Variants in PDE4D observed in about 807,000 individuals in gnomAD.
The protein encoded by PDE4D is 3',5'-cyclic-AMP phosphodiesterase 4D.
A neutral mutation model predicts 87.4 loss-of-function variants in PDE4D; 24 were observed. That is an observed-to-expected ratio of 0.27 (90% CI 0.20 to 0.39). The LOEUF (loss-of-function observed/expected upper bound fraction) is 0.39. Ranked by LOEUF, PDE4D falls within the 10% of genes least tolerant of loss-of-function variation. The pLI is 1.00. For missense variants in PDE4D, 714 were observed against 1,041.0 expected (o/e 0.69, Z 4.32); for synonymous variants, 384 against 383.2 (o/e 1.00, Z -0.02).
At chr5:60,258,083 A>C (rs1749285252) in intron 1 of PDE4D, among the ~76,000 whole-genome samples, 1 of 151,980 alleles carries the variant, frequency 6.6e-6, no homozygotes, top group Non-Finnish European at 1.5e-5. Context: ...ATGAACTAAC[A>C]GAAAGAGGGG....
At chr5:59,663,730 A>G (rs1197228674) in intron 1 of PDE4D, among the ~76,000 whole-genome samples, 2 of 152,224 alleles carry the variant, frequency 1.3e-5, no homozygotes, top group Non-Finnish European at 2.9e-5. Context: ...ATCTATTTAT[A>G]AATTCACTGC....
chr5:59,446,325 C>T (rs1164924718), intron 1 of PDE4D, among the ~76,000 whole-genome samples: 3 of 151,950 alleles, frequency 2.0e-5, no homozygotes, highest in African/African-American at 7.2e-5. Flanking sequence ...CAAATTCAAA[C>T]CAATGTTTCC....
intron 1 of PDE4D, among the ~76,000 whole-genome samples, chr5:60,342,523 ACT>A (rs1488404019): frequency 6.6e-6 from 1 of 152,114 alleles, no homozygotes; most frequent in Admixed American, 6.5e-5. Context: ...GGGAACAATA[ACT>A]GACGTGGAGG....
intron 1 of PDE4D, among the ~76,000 whole-genome samples, chr5:59,658,906 G>A (rs905215212): frequency 6.6e-6 from 1 of 152,150 alleles, no homozygotes; most frequent in Non-Finnish European, 1.5e-5. Flanking sequence ...AGGAGGCTGA[G>A]GTGGGAGAAT....
intron 2 of PDE4D, among the ~76,000 whole-genome samples, chr5:60,005,455 T>C (rs915625452): frequency 6.6e-6 from 1 of 151,918 alleles, no homozygotes; most frequent in African/African-American, 2.4e-5. Flanking sequence ...GTATCCTTAA[T>C]ACTTAATCCT....
At chr5:59,363,134 T>C (rs1782492876) in intron 1 of PDE4D, among the ~76,000 whole-genome samples, 1 of 152,208 alleles carries the variant, frequency 6.6e-6, no homozygotes, top group African/African-American at 2.4e-5. Context: ...TCTGTGGTGT[T>C]TATTGACCTT....
intron 1 of PDE4D, among the ~76,000 whole-genome samples, chr5:60,481,096 G>A (rs926416147): frequency 1.3e-5 from 2 of 152,060 alleles, no homozygotes; most frequent in African/African-American, 4.8e-5. Flanking sequence ...TCTATTTGTT[G>A]TCTTTATTTC....
At chr5:59,319,472 T>G (rs1360658428) in intron 1 of PDE4D, among the ~76,000 whole-genome samples, 1 of 152,102 alleles carries the variant, frequency 6.6e-6, no homozygotes, top group Non-Finnish European at 1.5e-5. Context: ...AGACATTTGC[T>G]CACAGTCTGC....
At chr5:59,178,879 C>T (rs1231395698) in intron 5 of PDE4D, among the ~76,000 whole-genome samples, 1 of 152,118 alleles carries the variant, frequency 6.6e-6, no homozygotes, top group Non-Finnish European at 1.5e-5. Context: ...CCTGGAGCAG[C>T]GTGAAGACCA....
chr5:59,358,370 T>C (rs1781721166), intron 1 of PDE4D, among the ~76,000 whole-genome samples: 1 of 152,170 alleles, frequency 6.6e-6, no homozygotes, highest in Admixed American at 6.5e-5. Flanking sequence ...ATTGTAACGC[T>C]TCACAAACTG....
intron 1 of PDE4D, among the ~76,000 whole-genome samples, chr5:59,243,009 A>G (rs1757986694): frequency 6.6e-6 from 1 of 152,204 alleles, no homozygotes; most frequent in East Asian, 1.9e-4. Context: ...CATTTAAGAG[A>G]CAGCAGGCAC....
chr5:59,404,461 C>A (rs6888059), intron 1 of PDE4D, among the ~76,000 whole-genome samples: 26,143 of 151,810 alleles, frequency 0.17, 3,034 homozygotes, highest in African/African-American at 0.32. Flanking sequence ...GAGTTGGAGA[C>A]CAACCTGGCC....
intron 5 of PDE4D, among the ~76,000 whole-genome samples, chr5:59,127,467 C>G (rs180935459): frequency 6.6e-6 from 1 of 152,096 alleles, no homozygotes; most frequent in East Asian, 1.9e-4. Flanking sequence ...TTAATGAGCC[C>G]AGGCAGCAGT....
At chr5:59,360,766 C>G (rs1478508251) in intron 1 of PDE4D, among the ~76,000 whole-genome samples, 1 of 152,056 alleles carries the variant, frequency 6.6e-6, no homozygotes, top group African/African-American at 2.4e-5. Context: ...AAATGGGAGA[C>G]AATTATTTTA....
At chr5:59,427,553 G>T (rs1199554738) in intron 1 of PDE4D, among the ~76,000 whole-genome samples, 2 of 152,076 alleles carry the variant, frequency 1.3e-5, no homozygotes, top group African/African-American at 2.4e-5. Context: ...TGTATGAAGG[G>T]CCAGGCTTGA....
chr5:59,593,854 G>C (rs1220949460), intron 1 of PDE4D, among the ~76,000 whole-genome samples: 1 of 152,178 alleles, frequency 6.6e-6, no homozygotes, highest in Non-Finnish European at 1.5e-5. Flanking sequence ...CTCCAGGAGT[G>C]CTACCAAGTT....
At chr5:60,426,859 G>C (rs1201732621) in intron 1 of PDE4D, among the ~76,000 whole-genome samples, 3 of 152,116 alleles carry the variant, frequency 2.0e-5, no homozygotes, top group Admixed American at 2.0e-4. Flanking sequence ...GGAGTGAATA[G>C]AGGAGTCTAG....
At chr5:59,261,031 C>T (rs1005799448) in intron 1 of PDE4D, among the ~76,000 whole-genome samples, 1 of 151,186 alleles carries the variant, frequency 6.6e-6, no homozygotes, top group Non-Finnish European at 1.5e-5. Context: ...GCTGCTGTAA[C>T]TGCACACAAA....
chr5:59,476,277 C>G (rs1210480000), intron 1 of PDE4D, among the ~76,000 whole-genome samples: 1 of 151,936 alleles, frequency 6.6e-6, no homozygotes, highest in African/African-American at 2.4e-5. Context: ...GGGTATGGTA[C>G]CAGGGACTTC....
Sources: gnomAD v4.1 joint callset for allele counts (sites outside exome capture counted in the v4.1 genomes callset) on GRCh38, gnomAD v4.1.1 for gene constraint, MANE v1.5 for transcripts, NCBI Gene and HGNC (gene_info 2026-07-23, HGNC 2026-07-21) for gene names.